The following SLC17A8 variants were observed in gnomAD, a reference collection of about 807,000 sequenced individuals.
SLC17A8 encodes the protein vesicular glutamate transporter 3.
SLC17A8 carries 31 observed loss-of-function variants against 58.0 expected under a neutral mutation model. That is an observed-to-expected ratio of 0.53 (90% CI 0.40 to 0.72). SLC17A8 has a LOEUF of 0.72. SLC17A8 is among the 30% of genes least tolerant of loss of function. SLC17A8 has a pLI of 0.00. For synonymous variants in SLC17A8, 228 were observed against 249.0 expected (o/e 0.92, Z 0.79); for missense variants, 655 against 727.8 (o/e 0.90, Z 1.15).
At chr12:100,359,291 T>G (rs113278418) in intron 1 of SLC17A8, among the ~76,000 whole-genome samples, 78 of 152,276 alleles carry the variant, frequency 5.1e-4, no homozygotes, top group African/African-American at 1.8e-3. Flanking sequence ...TTTGTGAAAT[T>G]TGATTGCTTT....
At chr12:100,401,530 G>A (rs1952791201) in intron 5 of SLC17A8, among the ~76,000 whole-genome samples, 1 of 151,634 alleles carries the variant, frequency 6.6e-6, no homozygotes, top group African/African-American at 2.4e-5. Context: ...ATTCCAAACT[G>A]TGATGCTGGA....
chr12:100,399,889 GTA>G (rs1215081948), intron 5 of SLC17A8, among the ~76,000 whole-genome samples: 3 of 152,174 alleles, frequency 2.0e-5, no homozygotes, highest in Non-Finnish European at 4.4e-5. Flanking sequence ...TTAAATAAGA[GTA>G]AGGGCTTTGG....
intron 2 of SLC17A8, among the ~76,000 whole-genome samples, chr12:100,387,625 C>T (rs1288456969): frequency 6.6e-6 from 1 of 152,126 alleles, no homozygotes; most frequent in Non-Finnish European, 1.5e-5. Flanking sequence ...GGGTCTAGTT[C>T]TCCCTCTGTC....
At chr12:100,412,183 G>T (rs553995184) in intron 9 of SLC17A8, among the ~76,000 whole-genome samples, 2 of 152,106 alleles carry the variant, frequency 1.3e-5, no homozygotes, top group African/African-American at 4.8e-5. Flanking sequence ...TATTGGGACC[G>T]TGTGGTGTTC....
At chr12:100,394,260 C>T (rs1323947282) in intron 4 of SLC17A8, among the ~76,000 whole-genome samples, 2 of 152,128 alleles carry the variant, frequency 1.3e-5, no homozygotes, top group Non-Finnish European at 2.9e-5. Context: ...TTGTTATGCC[C>T]ATGTACAACT....
At chr12:100,392,858 C>T (rs1952726396) in intron 3 of SLC17A8, among the ~76,000 whole-genome samples, 1 of 152,248 alleles carries the variant, frequency 6.6e-6, no homozygotes, top group Non-Finnish European at 1.5e-5. Flanking sequence ...AGGAAACAAC[C>T]TCAAACATAC....
intron 1 of SLC17A8, among the ~76,000 whole-genome samples, chr12:100,369,518 A>G (rs1173196664): frequency 6.6e-6 from 1 of 152,058 alleles, no homozygotes. Context: ...TGCATTTGAA[A>G]CCATCTGCAC....
intron 1 of SLC17A8, among the ~76,000 whole-genome samples, chr12:100,374,876 C>T (rs574886084): frequency 3.7e-4 from 57 of 152,084 alleles, no homozygotes; most frequent in African/African-American, 1.2e-3. Flanking sequence ...TCCTGATATC[C>T]CATCTCCAAC....
chr12:100,405,401 G>A (rs962761383), intron 9 of SLC17A8, among the ~76,000 whole-genome samples: 6 of 152,098 alleles, frequency 3.9e-5, no homozygotes, highest in African/African-American at 1.2e-4. Context: ...GACTTTGCAG[G>A]TGGGATTAAA....
Position 100,415,455 on chromosome 12 carries a change from C to T in SLC17A8, c.1298-2574C>T, listed in dbSNP as rs1014020676. 6.0e-3 allele frequency among the ~76,000 whole-genome samples: 884 copies of T among 146,736 alleles called. 15 individuals are homozygous for T. The highest frequency in any genetic ancestry group is 0.021 in the African/African-American group (823 of 39,826). ...TCTCAAAAAAAAAAAAAAAAATAGA[C>T]AGGGTCTCGCTCTGACACACAGGCT... On this transcript the variant is annotated intron_variant, in intron 10 of 11. Transcript: ENST00000323346.
intron 1 of SLC17A8, among the ~76,000 whole-genome samples, chr12:100,379,158 C>T (rs529996683): frequency 1.1e-4 from 16 of 150,866 alleles, no homozygotes; most frequent in African/African-American, 2.4e-4. Flanking sequence ...GCCAAGGTGC[C>T]GGGGGCGGTG....
At chr12:100,402,793 T>C in intron 8 of SLC17A8, 48 bp downstream of exon 8, 1 of 1,540,436 alleles carries the variant, frequency 6.5e-7, no homozygotes, top group Non-Finnish European at 8.9e-7. Context: ...AATCTCTTGA[T>C]TCTACAGAGA....
At position 100,405,423 on chromosome 12, in the gene SLC17A8, G is replaced by A. The variant is rs73376027; in HGVS notation, c.1186+1253G>A. On this transcript the variant is annotated intron_variant, in intron 9 of 11. Transcript: ENST00000323346. ...CAGGTGGGATTAAATTGAGGTTCTT[G>A]AGATGGGAGTTTATCCTGCATTATC... Among the ~76,000 whole-genome samples, 749 of 152,204 alleles carry A rather than the reference G, an allele frequency of 4.9e-3. 11 individuals are homozygous for A. Among genetic ancestry groups the A allele is most frequent in the African/African-American group, 0.017 (715 of 41,536 alleles).
chr12:100,412,633 T>TAAAAAAA, intron 9 of SLC17A8, 137 bp from the exon 10 acceptor site: 1 of 572,074 alleles, frequency 1.7e-6, no homozygotes, highest in East Asian at 3.2e-5. Context: ...GAACTTAAAG[T>TAAAAAAA]AAAAAAAAAA....
At chr12:100,402,175 G>T (rs1420677444) in intron 6 of SLC17A8, among the ~76,000 whole-genome samples, 165 bp from the exon 7 acceptor site, 1 of 152,066 alleles carries the variant, frequency 6.6e-6, no homozygotes, top group Non-Finnish European at 1.5e-5. Context: ...TGTGATAATT[G>T]GGTGTTCACG....
intron 5 of SLC17A8, among the ~76,000 whole-genome samples, chr12:100,397,536 C>A (rs945467827): frequency 2.0e-5 from 3 of 152,200 alleles, no homozygotes; most frequent in Non-Finnish European, 2.9e-5. Context: ...ACAGGCCTCT[C>A]TAGGTGTGGC....
At chr12:100,418,249 A>G (rs1179182003) in intron 11 of SLC17A8, 93 bp downstream of exon 11, 31 of 1,504,288 alleles carry the variant, frequency 2.1e-5, no homozygotes, top group Non-Finnish European at 2.8e-5. Context: ...CAGTCTGTAA[A>G]TGTGTATGTC....
At chr12:100,362,684 A>G (rs917791912) in intron 1 of SLC17A8, among the ~76,000 whole-genome samples, 1 of 152,180 alleles carries the variant, frequency 6.6e-6, no homozygotes, top group Non-Finnish European at 1.5e-5. Context: ...TGCTTCTCAC[A>G]TGAAGTTCAC....
At chr12:100,367,481 A>T (rs60376239) in intron 1 of SLC17A8, among the ~76,000 whole-genome samples, 3,036 of 152,322 alleles carry the variant, frequency 0.02, 80 homozygotes, top group African/African-American at 0.065. Context: ...GACCTGGACC[A>T]ACCAAAATAA....
Sources: allele counts gnomAD v4.1 joint callset (sites outside exome capture counted in the v4.1 genomes callset), GRCh38; gene constraint gnomAD v4.1.1; transcripts MANE v1.5; gene names NCBI Gene and HGNC (gene_info 2026-07-23, HGNC 2026-07-21).